Variants in ANTXR2 observed in about 807,000 individuals in gnomAD.
ANTXR2 encodes anthrax toxin receptor 2.
ANTXR2 carries 44 observed loss-of-function variants against 73.7 expected under a neutral mutation model. The observed-to-expected ratio is 0.60, with a 90% CI of 0.47 to 0.77. The LOEUF (loss-of-function observed/expected upper bound fraction) is 0.77. Among genes scored for constraint, ANTXR2 ranks in the 30% least tolerant of loss-of-function variants. The probability of loss-of-function intolerance (pLI) is 0.00; values close to 1 mark genes in which losing one functional copy is unlikely to be tolerated. For missense variants in ANTXR2, 604 were observed against 592.5 expected (o/e 1.02, Z -0.20); for synonymous variants, 217 against 205.9 (o/e 1.05, Z -0.46).
intron 16 of ANTXR2, among the ~76,000 whole-genome samples, chr4:79,933,078 G>A (rs545081899): frequency 1.3e-5 from 2 of 152,178 alleles, no homozygotes; most frequent in African/African-American, 4.8e-5. Flanking sequence ...AGTTATAATG[G>A]TGCCTTCCCA....
chr4:80,019,413 C>T (rs1732050158), intron 10 of ANTXR2, among the ~76,000 whole-genome samples: 1 of 152,128 alleles, frequency 6.6e-6, no homozygotes, highest in African/African-American at 2.4e-5. Flanking sequence ...GTAAATTATG[C>T]CAGCTTTTTT....
chr4:80,011,284 T>C (rs1040772381), intron 11 of ANTXR2, among the ~76,000 whole-genome samples: 1 of 150,646 alleles, frequency 6.6e-6, no homozygotes, highest in Admixed American at 6.6e-5. Flanking sequence ...TCTATCTATC[T>C]ATCTATCTAT....
At chr4:79,979,083 T>A (rs1267532369) in intron 14 of ANTXR2, among the ~76,000 whole-genome samples, 1 of 152,174 alleles carries the variant, frequency 6.6e-6, no homozygotes, top group Non-Finnish European at 1.5e-5. Context: ...GCAAATTTCC[T>A]CCTCTGAAAA....
chr4:79,935,418 A>G (rs569575284), intron 16 of ANTXR2, among the ~76,000 whole-genome samples: 2 of 151,908 alleles, frequency 1.3e-5, no homozygotes, highest in Admixed American at 1.3e-4. Flanking sequence ...ATCATGGATC[A>G]CAATACGAAA....
chr4:80,021,674 C>T (rs557418397), intron 10 of ANTXR2, among the ~76,000 whole-genome samples: 1 of 152,122 alleles, frequency 6.6e-6, no homozygotes, highest in East Asian at 1.9e-4. Flanking sequence ...TTACTCTTTC[C>T]TATGGTAGAA....
At chr4:80,025,251 A>G (rs910024773) in intron 10 of ANTXR2, among the ~76,000 whole-genome samples, 2 of 152,204 alleles carry the variant, frequency 1.3e-5, no homozygotes, top group African/African-American at 4.8e-5. Context: ...TAATAGTCAC[A>G]TACTTCTATT....
Position 79,931,476 on chromosome 4 carries a change from T to TC in ANTXR2, c.1429-24010dup, listed in dbSNP as rs1261088556. 2.7e-5 allele frequency among the ~76,000 whole-genome samples: 4 copies of TC among 150,928 alleles called. No homozygotes were observed. In the Admixed American group the frequency reaches 2.7e-4, roughly 10 times the overall value. ...CTCTCTCTCTCTCTCTCTCTCTCTC[T>TC]CTCTCTCTTTCTCCCCAAACACCCC... On this transcript the variant is annotated intron_variant, in intron 16 of 16. Transcript: ENST00000403729.
At chr4:80,040,163 G>A (rs1001455810) in intron 7 of ANTXR2, among the ~76,000 whole-genome samples, 3 of 151,742 alleles carry the variant, frequency 2.0e-5, no homozygotes, top group Non-Finnish European at 2.9e-5. Flanking sequence ...CAGCTATTGG[G>A]TACTATGTTC....
At chr4:79,914,834 AC>A (rs2109933916) in intron 16 of ANTXR2, among the ~76,000 whole-genome samples, 1 of 152,300 alleles carries the variant, frequency 6.6e-6, no homozygotes, top group South Asian at 2.1e-4. Context: ...AAAAGTAAGC[AC>A]AATATAATTC....
chr4:80,025,378 C>T (rs983301087), intron 10 of ANTXR2, among the ~76,000 whole-genome samples: 9 of 152,090 alleles, frequency 5.9e-5, no homozygotes, highest in Admixed American at 5.9e-4. Context: ...CATTTCAATC[C>T]ACAGTAACAT....
At chr4:80,017,135 C>T (rs1731911941) in intron 11 of ANTXR2, among the ~76,000 whole-genome samples, 1 of 152,214 alleles carries the variant, frequency 6.6e-6, no homozygotes, top group Non-Finnish European at 1.5e-5. Context: ...ACTATACACC[C>T]TACAGGATCT....
chr4:80,013,084 C>G (rs563691598), intron 11 of ANTXR2, among the ~76,000 whole-genome samples: 1 of 151,902 alleles, frequency 6.6e-6, no homozygotes, highest in East Asian at 1.9e-4. Flanking sequence ...ACCAGTGATT[C>G]CAAGAGAAAA....
At chr4:80,051,456 G>GA (rs560953222) in intron 7 of ANTXR2, among the ~76,000 whole-genome samples, 1 of 151,276 alleles carries the variant, frequency 6.6e-6, no homozygotes, top group Admixed American at 6.6e-5. Flanking sequence ...GCTCATTGAG[G>GA]AAAAAAAGGA....
At chr4:79,993,204 G>T (rs1171308890) in intron 12 of ANTXR2, among the ~76,000 whole-genome samples, 1 of 151,732 alleles carries the variant, frequency 6.6e-6, no homozygotes, top group Non-Finnish European at 1.5e-5. Flanking sequence ...AGGAAAAAGA[G>T]AAGTTAGGAA....
At chr4:80,012,923 A>G (rs1002522744) in intron 11 of ANTXR2, among the ~76,000 whole-genome samples, 2 of 152,232 alleles carry the variant, frequency 1.3e-5, no homozygotes, top group African/African-American at 4.8e-5. Flanking sequence ...CAAAATTAAC[A>G]TAATCTGAAC....
At chr4:79,952,804 A>G (rs1728753497) in intron 16 of ANTXR2, among the ~76,000 whole-genome samples, 1 of 151,586 alleles carries the variant, frequency 6.6e-6, no homozygotes, top group Non-Finnish European at 1.5e-5. Flanking sequence ...AGTTATAAAA[A>G]CCATCTTATT....
Position 79,903,320 on chromosome 4 carries a change from G to C in ANTXR2, c.*4109C>G, listed in dbSNP as rs1266415557. The C allele has an allele frequency of 2.6e-5, 4 of 151,504 alleles. No individual in the cohort carries two copies. The highest frequency in any genetic ancestry group is 9.7e-5 in the African/African-American group (4 of 41,228). 9.4% of individuals were successfully genotyped at this position (151,504 alleles called of 1,614,324 possible). A position where few individuals can be genotyped will look rare whatever the true frequency, so the allele number is the denominator to read the frequency against. ...GATTCCTAAGCTAAGACTCTTCATA[G>C]AAAACACATTGAGTCAATTCTCCCT... On this transcript the variant is annotated 3_prime_UTR_variant, in exon 17 of 17. Transcript: ENST00000403729.
At chr4:79,935,657 G>C (rs901408494) in intron 16 of ANTXR2, among the ~76,000 whole-genome samples, 4 of 152,182 alleles carry the variant, frequency 2.6e-5, no homozygotes, top group African/African-American at 9.7e-5. Context: ...CCTGGCTAAG[G>C]CATGTGGGAT....
rs147692237 is a variant in ANTXR2 at position 79,992,834 on chromosome 4, T to C, written c.1042-7971A>G. ...CCCTGTTTCTTTCAAGTGAATGACT[T>C]TTTTCAGTTGCAACCTAAAAAGTTG... On this transcript the variant is annotated intron_variant, in intron 12 of 16. Coordinates refer to ENST00000403729, the MANE Select transcript of ANTXR2 (RefSeq NM_058172.6). Among the ~76,000 whole-genome samples the C allele has an allele frequency of 3.3e-5, 5 of 152,172 alleles. No individual in the cohort carries two copies. The East Asian group carries it at 9.6e-4, about 29-fold the overall frequency.
Sources: gnomAD v4.1 joint callset for allele counts (sites outside exome capture counted in the v4.1 genomes callset) on GRCh38, gnomAD v4.1.1 for gene constraint, MANE v1.5 for transcripts, NCBI Gene and HGNC (gene_info 2026-07-23, HGNC 2026-07-21) for gene names.